ABCA5: variants seen among roughly 807,000 people sequenced by gnomAD.
ABCA5 encodes cholesterol transporter ABCA5.
A neutral mutation model predicts 206.0 loss-of-function variants in ABCA5; 163 were observed. The ratio of observed to expected loss-of-function variants is 0.79; its 90% CI spans 0.70 to 0.90. The LOEUF is 0.90. Among genes scored for constraint, ABCA5 ranks in the 40% least tolerant of loss-of-function variants. The pLI, the probability that ABCA5 is intolerant of heterozygous loss-of-function variation, is 0.00. For missense variants in ABCA5, 1,859 were observed against 1,912.9 expected (o/e 0.97, Z 0.53); for synonymous variants, 609 against 613.8 (o/e 0.99, Z 0.11).
chr17:69,247,359 C>T lies in ABCA5; in HGVS notation c.*178G>A, dbSNP rs946326100. On this transcript the variant is annotated 3_prime_UTR_variant, in exon 39 of 39. Coordinates refer to ENST00000392676, the MANE Select transcript of ABCA5 (RefSeq NM_172232.4). ...ATGCAGCTTCACTTAATTATACATA[C>T]GTTTTATTTAAAGAAAAGCAAAACA... is the stretch of plus-strand genomic sequence containing the variant. 19 of 529,592 alleles carry T rather than the reference C, an allele frequency of 3.6e-5. No homozygotes were observed. The highest frequency in any genetic ancestry group is 9.8e-5 in the African/African-American group (5 of 51,040). 32.8% of individuals were successfully genotyped at this position (529,592 alleles called of 1,614,324 possible). A position where few individuals can be genotyped will look rare whatever the true frequency, so the allele number is the denominator to read the frequency against.
chr17:69,267,509 A>G (rs563351791), intron 23 of ABCA5, among the ~76,000 whole-genome samples: 2 of 152,208 alleles, frequency 1.3e-5, no homozygotes, highest in Non-Finnish European at 2.9e-5. Context: ...TTTTCCATTA[A>G]TAAGAATTTA....
Position 69,248,313 on chromosome 17 carries a change from T to G in ABCA5, c.4770A>C (p.Lys1590Asn). 6.4e-7 allele frequency: 1 copy of G among 1,556,236 alleles called. No homozygotes were observed. The highest frequency in any genetic ancestry group is 8.8e-7 in the Non-Finnish European group (1 of 1,138,514). ...TATATTCTTCAATGGCAAAAGCATG[T>G]TTAGCTATTAAAATATAAAAATAGT... ...SQSFFKLEEA[K>N]HAFAIEEYSF... Residue 1590 changes from lysine to asparagine, a missense_variant, in exon 38 of 39, where the codon AAA becomes AAC. Lys to Asn is a moderately conservative substitution (Grantham distance 94, BLOSUM62 0). Transcript: ENST00000392676.
At chr17:69,315,713 G>T (rs1372698976) in intron 1 of ABCA5, among the ~76,000 whole-genome samples, 1 of 151,698 alleles carries the variant, frequency 6.6e-6, no homozygotes, top group Non-Finnish European at 1.5e-5. Context: ...AACCCGGGAG[G>T]CGGAGGTTGC....
chr17:69,312,380 T>C (rs1036646142), intron 3 of ABCA5, among the ~76,000 whole-genome samples: 2 of 152,142 alleles, frequency 1.3e-5, no homozygotes, highest in Admixed American at 6.5e-5. Flanking sequence ...CTGGGCAACA[T>C]AGCAAGATCC....
Position 69,255,540 on chromosome 17 carries a change from T to C in ABCA5, c.4068+3A>G, listed in dbSNP as rs1327605178. ...ACATATCCTATACTCTTATATATCATACCTGGCCTGAAGTTGGTTCAATAT... is the reference window on the plus strand; with the variant it reads ...ACATATCCTATACTCTTATATATCACACCTGGCCTGAAGTTGGTTCAATAT... On this transcript the variant is annotated splice_donor_region_variant and intron_variant, in intron 31 of 38. Coordinates refer to ENST00000392676, the MANE Select transcript of ABCA5 (RefSeq NM_172232.4). 1 of 1,541,222 alleles carries C rather than the reference T, an allele frequency of 6.5e-7. No individual in the cohort carries two copies. The highest frequency in any genetic ancestry group is 1.3e-5 in the South Asian group (1 of 78,512).
intron 7 of ABCA5, chr17:69,304,072 A>C (rs1049717621): frequency 3.3e-5 from 5 of 151,164 alleles, no homozygotes; most frequent in Non-Finnish European, 5.9e-5. Context: ...TTAAAAAAAA[A>C]CCAGGCAATT....
At chr17:69,250,228 C>A (rs540414609) in intron 36 of ABCA5, among the ~76,000 whole-genome samples, 3 of 151,776 alleles carry the variant, frequency 2.0e-5, no homozygotes, top group African/African-American at 7.2e-5. Context: ...AGATATAAAA[C>A]ACCAGCCATC....
At chr17:69,267,816 A>G (rs2075227471) in intron 23 of ABCA5, 127 bp downstream of exon 23, 4 of 457,386 alleles carry the variant, frequency 8.7e-6, no homozygotes, top group Non-Finnish European at 7.9e-6. Flanking sequence ...ACTATAATAA[A>G]TGTATTTATA....
rs184607480 is a variant in ABCA5 at position 69,291,238 on chromosome 17, A to G, written c.1584T>C (p.Cys528=). 1.9e-5 allele frequency: 31 copies of G among 1,606,196 alleles called. No homozygotes were observed. In the East Asian group the frequency reaches 5.2e-4, roughly 27 times the overall value. Residue 528 remains cysteine, a synonymous_variant, in exon 12 of 39, where the codon TGT becomes TGC. Transcript: ENST00000392676. ...CACCATCAGAAGGTGGGCAGAGTCC[A>G]CAAAGAATATTCATCAATGTACTCT... The part of the protein sequence containing the change: ...TGKSTLMNIL[C]GLCPPSDGFA...
intron 9 of ABCA5, among the ~76,000 whole-genome samples, chr17:69,298,019 T>C (rs2075601456): frequency 6.6e-6 from 1 of 152,028 alleles, no homozygotes; most frequent in South Asian, 2.1e-4. Context: ...ACCTTGTCTC[T>C]GCAAAAAATA....
At chr17:69,275,537 T>C (rs1356077931) in intron 19 of ABCA5, among the ~76,000 whole-genome samples, 1 of 152,172 alleles carries the variant, frequency 6.6e-6, no homozygotes, top group East Asian at 1.9e-4. Context: ...GTGATTTAGG[T>C]TAAAAAATAT....
rs1256658997 is a variant in ABCA5, at chr17:69,326,427, GC to G, written c.-16+624del. Among the ~76,000 whole-genome samples, 2 of 152,138 alleles carry G rather than the reference GC, an allele frequency of 1.3e-5. No individual in the cohort carries two copies. The highest frequency in any genetic ancestry group is 4.8e-5 in the African/African-American group (2 of 41,418). On this transcript the variant is annotated intron_variant, in intron 1 of 38. Transcript: ENST00000392676. The surrounding 1 kb of genome is among the most constrained non-coding windows in gnomAD (Gnocchi z 4.8). ...GGGGAAAACCTCCTTCAGCTTAATA[GC>G]TCCAGCCTGCCCAGCTTTCCGATCC...
Position 69,313,129 on chromosome 17 carries a change from G to T in ABCA5, c.270C>A (p.Ser90Arg). The T allele has an allele frequency of 6.2e-7, 1 of 1,611,510 alleles. No individual in the cohort carries two copies. The highest frequency in any genetic ancestry group is 8.5e-7 in the Non-Finnish European group (1 of 1,178,522). ...GYTPVTNITSSIMQKVSTDHL... is the reference protein window; with the variant it reads ...GYTPVTNITSRIMQKVSTDHL... ...GATCAGTAGACACTTTCTGCATGAT[G>T]CTGCTTGTAATATTAGTCACTGGAG... Residue 90 changes from serine to arginine, a missense_variant, in exon 3 of 39, where the codon AGC becomes AGA. Physicochemically the swap from Ser to Arg is moderately radical, Grantham distance 110 (BLOSUM62 -1). Coordinates refer to ENST00000392676, the MANE Select transcript of ABCA5 (RefSeq NM_172232.4).
At position 69,304,672 on chromosome 17, in the gene ABCA5, T is replaced by C; in HGVS notation, c.927A>G (p.Ser309=). 6.3e-7 allele frequency: 1 copy of C among 1,578,726 alleles called. No homozygotes were observed. Among genetic ancestry groups the C allele is most frequent in the Non-Finnish European group, 8.6e-7 (1 of 1,164,008 alleles). ...TATCACAAGTTAAAATACTTACAGATGATAATCCATAAAGGAAAAAAAGCA... is the reference window on the plus strand; with the variant it reads ...TATCACAAGTTAAAATACTTACAGACGATAATCCATAAAGGAAAAAAAGCA... ...IFLLFFLYGL[S]SVFFALMLTP... The change falls in exon 7 of 39, where the codon TCA becomes TCG. Residue 309 remains serine (S), a synonymous_variant. Coordinates refer to ENST00000392676, the MANE Select transcript of ABCA5 (RefSeq NM_172232.4).
chr17:69,321,436 G>C (rs12937947), intron 1 of ABCA5, among the ~76,000 whole-genome samples: 1 of 152,034 alleles, frequency 6.6e-6, no homozygotes, highest in Admixed American at 6.5e-5. Flanking sequence ...AAGAAACCCC[G>C]TATTTAGCAT....
chr17:69,317,817 ATTCC>A (rs1338356492), intron 1 of ABCA5: 5 of 152,194 alleles, frequency 3.3e-5, no homozygotes, highest in Non-Finnish European at 7.3e-5. Context: ...CAGAGGTTTC[ATTCC>A]AGCTGAACTC....
intron 19 of ABCA5, among the ~76,000 whole-genome samples, chr17:69,275,302 T>TACTA (rs2075319604): frequency 1.3e-5 from 2 of 152,226 alleles, no homozygotes; most frequent in Non-Finnish European, 2.9e-5. Context: ...AAGCAAGGTA[T>TACTA]ACTACAATGC....
At position 69,246,789 on chromosome 17, in the gene ABCA5, T is replaced by G. The variant is rs1010211213; in HGVS notation, c.*748A>C. 1 of 151,976 alleles carries G rather than the reference T, an allele frequency of 6.6e-6. No homozygotes were observed. The highest frequency in any genetic ancestry group is 1.9e-4 in the East Asian group (1 of 5,200). The allele number at this position is 151,976 out of a possible 1,614,324, so 9.4% of individuals were successfully genotyped here. A position where few individuals can be genotyped will look rare whatever the true frequency, so the allele number is the denominator to read the frequency against. On this transcript the variant is annotated 3_prime_UTR_variant, in exon 39 of 39. Coordinates refer to ENST00000392676, the MANE Select transcript of ABCA5 (RefSeq NM_172232.4). ...CCACCTCCATAGATAACTGTCATTC[T>G]AGCCACAGAGTCAAAGAATCAGACT... is the stretch of plus-strand genomic sequence containing the variant.
chr17:69,308,286 A>G lies in ABCA5; in HGVS notation c.552T>C (p.Ile184=). 6.3e-7 allele frequency: 1 copy of G among 1,590,016 alleles called. No homozygotes were observed. Residue 184 remains isoleucine (I), a synonymous_variant, in exon 5 of 39, where the codon ATT becomes ATC. Coordinates refer to ENST00000392676, the MANE Select transcript of ABCA5 (RefSeq NM_172232.4). ...TVLQASIDAA[I]IQLKTNVSLW... ...CTTCCTTTATCATATTTACCTGTAT[A>G]ATGGCAGCATCTATGGATGCTTGTA...
Sources: gnomAD v4.1 joint callset for allele counts (sites outside exome capture counted in the v4.1 genomes callset) on GRCh38, gnomAD v4.1.1 for gene constraint, Gnocchi (gnomAD v3.1) non-coding constraint, MANE v1.5 for transcripts, NCBI Gene and HGNC (gene_info 2026-07-23, HGNC 2026-07-21) for gene names.